Variants in FRMPD4 observed in about 807,000 individuals in gnomAD.
FRMPD4 encodes FERM and PDZ domain containing 4, also known as FERM and PDZ domain-containing protein 4.
Under a neutral mutation model 94.1 loss-of-function variants are expected in FRMPD4, and 22 were observed. The ratio of observed to expected loss-of-function variants is 0.23; its 90% CI spans 0.17 to 0.33. The LOEUF (loss-of-function observed/expected upper bound fraction) is 0.33. FRMPD4 is among the 10% of genes least tolerant of loss of function. The pLI is 1.00. For synonymous variants in FRMPD4, 631 were observed against 548.6 expected, an observed-to-expected ratio of 1.15 and a Z score of -2.10; for missense variants, 1,111 against 1,339.9, an observed-to-expected ratio of 0.83 and a Z score of 2.67.
intron 1 of FRMPD4, among the ~76,000 whole-genome samples, chrX:12,430,601 G>A (rs1483250542): frequency 4.5e-5 from 5 of 111,758 alleles, no homozygotes; most frequent in Admixed American, 1.9e-4. Context: ...TCATCTTAAC[G>A]CCTGGTTTTG....
At chrX:12,086,079 GTGTGTGTGTA>G (rs200806174) in intron 3 of FRMPD4, among the ~76,000 whole-genome samples, 143 of 48,561 alleles carry the variant, frequency 2.9e-3, no homozygotes, top group South Asian at 0.018. Context: ...GTCTGTGTGC[GTGTGTGTGTA>G]TGTGTGTGTG....
intron 3 of FRMPD4, among the ~76,000 whole-genome samples, chrX:12,101,082 G>A (rs758938313): frequency 1.1e-4 from 12 of 112,181 alleles, no homozygotes; most frequent in Non-Finnish European, 2.1e-4. Flanking sequence ...TTGTATGGTC[G>A]TTGGCATGTG....
intron 3 of FRMPD4, among the ~76,000 whole-genome samples, chrX:11,895,665 T>C (rs2053899477): frequency 8.9e-6 from 1 of 111,912 alleles, no homozygotes; most frequent in Non-Finnish European, 1.9e-5. Flanking sequence ...GAAGATAAAC[T>C]GTTGTAACGT....
chrX:12,572,473 G>A (rs1018813129), intron 2 of FRMPD4, among the ~76,000 whole-genome samples: 10 of 112,562 alleles, frequency 8.9e-5, no homozygotes, highest in African/African-American at 3.2e-4. Context: ...GCTAAAGCTT[G>A]TAAGATTAAA....
At chrX:12,655,385 C>G (rs1397657366) in intron 4 of FRMPD4, among the ~76,000 whole-genome samples, 1 of 111,366 alleles carries the variant, frequency 9.0e-6, no homozygotes, top group Non-Finnish European at 1.9e-5. Flanking sequence ...GCAGAACTGT[C>G]CCCCTTTAGA....
intron 3 of FRMPD4, among the ~76,000 whole-genome samples, chrX:12,108,846 A>C (rs1377344191): frequency 8.9e-6 from 1 of 112,247 alleles, no homozygotes; most frequent in Non-Finnish European, 1.9e-5. Flanking sequence ...GTAATGATAA[A>C]GGGATCAATT....
intron 4 of FRMPD4, among the ~76,000 whole-genome samples, chrX:12,637,009 T>C (rs1378114234): frequency 1.8e-5 from 2 of 112,288 alleles, no homozygotes; most frequent in African/African-American, 6.5e-5. Context: ...CCATGATTCC[T>C]TTTAGTGGGA....
At chrX:12,701,423 A>C (rs958658595) in intron 9 of FRMPD4, among the ~76,000 whole-genome samples, 3 of 110,742 alleles carry the variant, frequency 2.7e-5, no homozygotes, top group African/African-American at 9.9e-5. Context: ...TCCCCAATTT[A>C]CAGAAGAGAA....
At position 12,301,818 on chromosome X, in the gene FRMPD4, A is replaced by G. The variant is rs1230722731; in HGVS notation, c.41+162806A>G. ...GATACCATGTTGGAGAATGAGGCTC[A>G]ATATCAACTCTGTAGCCTTGGAGTA... is the stretch of plus-strand genomic sequence containing the variant. On this transcript the variant is annotated intron_variant, in intron 1 of 16. Coordinates refer to ENST00000675598, the MANE Select transcript of FRMPD4 (RefSeq NM_001368397.1). 2.7e-5 allele frequency among the ~76,000 whole-genome samples: 3 copies of G among 112,021 alleles called. No homozygotes were observed. In the East Asian group the frequency reaches 8.4e-4, roughly 31 times the overall value.
chrX:11,959,390 G>T (rs2054273005), intron 3 of FRMPD4, among the ~76,000 whole-genome samples: 1 of 112,316 alleles, frequency 8.9e-6, no homozygotes, highest in African/African-American at 3.2e-5. Context: ...AGAGAAACGT[G>T]TATGTCATGT....
At chrX:11,860,780 A>T (rs2053681836) in intron 1 of FRMPD4, among the ~76,000 whole-genome samples, 1 of 112,085 alleles carries the variant, frequency 8.9e-6, no homozygotes, top group African/African-American at 3.2e-5. Flanking sequence ...TTAGTAATAG[A>T]TGTTCTTTCA....
chrX:11,950,112 C>T (rs2054213143), intron 3 of FRMPD4, among the ~76,000 whole-genome samples: 2 of 111,162 alleles, frequency 1.8e-5, no homozygotes, highest in Admixed American at 1.9e-4. Context: ...TTTTCCCATG[C>T]TGTTCTCATG....
chrX:12,551,171 CA>C (rs2058533501), intron 2 of FRMPD4, among the ~76,000 whole-genome samples: 1 of 110,478 alleles, frequency 9.1e-6, no homozygotes, highest in Admixed American at 9.8e-5. Context: ...TGAAAAACTG[CA>C]AACATAAACC....
At chrX:12,303,950 A>T in intron 1 of FRMPD4, among the ~76,000 whole-genome samples, 1 of 112,060 alleles carries the variant, frequency 8.9e-6, no homozygotes, top group East Asian at 2.8e-4. Flanking sequence ...GACGTGTCCA[A>T]GTTGAGAACT....
intron 2 of FRMPD4, among the ~76,000 whole-genome samples, chrX:12,544,028 T>A (rs1202541489): frequency 9.7e-6 from 1 of 103,299 alleles, no homozygotes; most frequent in Non-Finnish European, 2.0e-5. Flanking sequence ...CAGGTGGGAA[T>A]TGAACAATGA....
chrX:12,522,893 G>A (rs189955973), intron 2 of FRMPD4, among the ~76,000 whole-genome samples: 2,045 of 111,624 alleles, frequency 0.018, 60 homozygotes, highest in African/African-American at 0.064. Flanking sequence ...GTGAGCCACC[G>A]CGCCCAGCTG....
intron 1 of FRMPD4, among the ~76,000 whole-genome samples, chrX:12,290,577 A>G (rs2147874915): frequency 8.9e-6 from 1 of 112,791 alleles, no homozygotes; most frequent in Non-Finnish European, 1.9e-5. Context: ...TTTTAGGAGC[A>G]GTAAAACATT....
chrX:11,869,551 A>G (rs1292181188), intron 2 of FRMPD4, among the ~76,000 whole-genome samples: 1 of 112,270 alleles, frequency 8.9e-6, no homozygotes, highest in Non-Finnish European at 1.9e-5. Flanking sequence ...TCACAACATC[A>G]TATTGTACCC....
intron 1 of FRMPD4, among the ~76,000 whole-genome samples, chrX:12,316,767 CT>C (rs770337145): frequency 2.1e-3 from 205 of 99,862 alleles, no homozygotes; most frequent in Admixed American, 3.5e-3. Flanking sequence ...AGTTGTTTTA[CT>C]TTTTTTTTTT....
Sources: allele counts gnomAD v4.1 joint callset (sites outside exome capture counted in the v4.1 genomes callset), GRCh38; gene constraint gnomAD v4.1.1; transcripts MANE v1.5; gene names NCBI Gene and HGNC (gene_info 2026-07-23, HGNC 2026-07-21).